The following MECOM variants were observed in gnomAD, a reference collection of about 807,000 sequenced individuals.
MECOM encodes MDS1 and EVI1 complex locus.
A neutral mutation model predicts 116.3 loss-of-function variants in MECOM; 13 were observed. That is an observed-to-expected ratio of 0.11 (90% CI 0.07 to 0.18). MECOM has a LOEUF of 0.18. Ranked by LOEUF, MECOM falls within the 10% of genes least tolerant of loss-of-function variation. The pLI is 1.00. For missense variants in MECOM, 1,299 were observed against 1,509.0 expected (o/e 0.86, Z 2.31); for synonymous variants, 528 against 535.2 (o/e 0.99, Z 0.19).
At chr3:169,216,144 G>A (rs1281539225) in intron 2 of MECOM, among the ~76,000 whole-genome samples, 3 of 152,134 alleles carry the variant, frequency 2.0e-5, no homozygotes, top group Admixed American at 6.5e-5. Context: ...GTGTTTCCAC[G>A]TCTTGTTTGT....
intron 1 of MECOM, among the ~76,000 whole-genome samples, chr3:169,661,954 C>T (rs2110143204): frequency 6.6e-6 from 1 of 152,354 alleles, no homozygotes; most frequent in South Asian, 2.1e-4. Flanking sequence ...GCAGCTCCAG[C>T]CCCGCCTATT....
intron 2 of MECOM, among the ~76,000 whole-genome samples, chr3:169,248,507 CCCTTT>C (rs1755864714): frequency 1.3e-5 from 2 of 152,150 alleles, no homozygotes; most frequent in Non-Finnish European, 2.9e-5. Context: ...TCTAGGAATA[CCCTTT>C]TGTTGTCTGT....
chr3:169,268,979 C>T (rs138005790), intron 2 of MECOM, among the ~76,000 whole-genome samples: 32 of 152,178 alleles, frequency 2.1e-4, no homozygotes, highest in Middle Eastern at 3.4e-3. Context: ...TCCAGCCTAT[C>T]CTGGTAAGAT....
intron 2 of MECOM, among the ~76,000 whole-genome samples, chr3:169,377,299 A>G (rs998781653): frequency 5.3e-5 from 8 of 152,142 alleles, no homozygotes; most frequent in African/African-American, 1.9e-4. Context: ...ACCAAAAGCA[A>G]TGGCAACAAA....
chr3:169,331,299 T>C (rs1009894741), intron 2 of MECOM, among the ~76,000 whole-genome samples: 1 of 152,136 alleles, frequency 6.6e-6, no homozygotes, highest in Admixed American at 6.6e-5. Context: ...TACCACTTAC[T>C]GATTGTCTGG....
At position 169,472,647 on chromosome 3, in the gene MECOM, G is replaced by A. The variant is rs1262485997; in HGVS notation, c.38-91123C>T. On this transcript the variant is annotated intron_variant, in intron 1 of 16. Transcript: ENST00000651503. ...GAAAAGAAAAGAAAAGGAAAGGAAA[G>A]GAAAAGAAAAGAAAGGAAAGGAAAG... Among the ~76,000 whole-genome samples, 128 of 50,054 alleles carry A rather than the reference G, an allele frequency of 2.6e-3. 4 individuals carry two copies. The highest frequency in any genetic ancestry group is 0.015 in the Middle Eastern group (1 of 66). 32.8% of individuals were successfully genotyped at this position (50,054 alleles called of 152,430 possible).
intron 4 of MECOM, among the ~76,000 whole-genome samples, chr3:169,129,181 G>A (rs1373988227): frequency 1.3e-5 from 2 of 151,932 alleles, no homozygotes; most frequent in East Asian, 3.9e-4. Flanking sequence ...TGGAAGGAGG[G>A]GGCACATTTC....
rs758987570 is a variant in MECOM at position 169,131,504 on chromosome 3, C to T, written c.538G>A (p.Ala180Thr). 4 of 1,613,622 alleles carry T rather than the reference C, an allele frequency of 2.5e-6. No individual in the cohort carries two copies. Among genetic ancestry groups the T allele is most frequent in the Non-Finnish European group, 3.4e-6 (4 of 1,179,890 alleles). ...QIFYRVVADI[A>T]PGEELLLFMK... ...AACAGCAGAAGCTCCTCTCCCGGCG[C>T]AATGTCTGCAACTACTCTATAGAAT... Residue 180 changes from alanine (A) to threonine (T), a missense_variant, in exon 4 of 17, where the codon GCG (alanine) becomes ACG (threonine). By Grantham distance (58) the Ala-to-Thr change is moderately conservative. Around this residue, in one of 6 missense-constraint regions of MECOM, gnomAD observed 374 missense variants for 433.4 expected, o/e 0.86. Coordinates refer to ENST00000651503, the MANE Select transcript of MECOM (RefSeq NM_004991.4).
chr3:169,515,581 A>G (rs1448900803), intron 1 of MECOM, among the ~76,000 whole-genome samples: 2 of 152,204 alleles, frequency 1.3e-5, no homozygotes, highest in South Asian at 4.1e-4. Flanking sequence ...CTGAGATTCC[A>G]GAAGAGAATG....
Position 169,116,262 on chromosome 3 carries a change from G to T in MECOM, c.1610C>A (p.Ala537Asp). The T allele has an allele frequency of 1.2e-6, 2 of 1,614,154 alleles. No homozygotes were observed. Among genetic ancestry groups the T allele is most frequent in the Non-Finnish European group, 1.7e-6 (2 of 1,180,014 alleles). ...PLMTHPQILP[A>D]TQDILKALSK... is the part of the protein sequence containing the mutation. ...TAGTGCCTTCAAAATATCCTGTGTA[G>T]CTGGCAGTATCTGAGGATGTGTCAT... Residue 537 changes from alanine (A) to aspartate (D), a missense_variant, in exon 8 of 17, where the codon GCT (alanine) becomes GAT (aspartate). Physicochemically the swap from Ala to Asp is moderately radical, Grantham distance 126. Around this residue, in one of 6 missense-constraint regions of MECOM, gnomAD observed 238 missense variants for 273.1 expected, o/e 0.87. Coordinates refer to ENST00000651503, the MANE Select transcript of MECOM (RefSeq NM_004991.4).
At chr3:169,396,637 A>G (rs765409089) in intron 1 of MECOM, among the ~76,000 whole-genome samples, 3 of 152,244 alleles carry the variant, frequency 2.0e-5, no homozygotes, top group Non-Finnish European at 4.4e-5. Flanking sequence ...TATTTCCATA[A>G]GACAACACTG....
chr3:169,651,034 C>T (rs1774840371), intron 1 of MECOM, among the ~76,000 whole-genome samples: 3 of 152,128 alleles, frequency 2.0e-5, no homozygotes, highest in Admixed American at 2.0e-4. Flanking sequence ...CTAGGACTTC[C>T]AGTACTGTGT....
chr3:169,097,685 C>T lies in MECOM; in HGVS notation c.2850-2440G>A, dbSNP rs137947573. ...AGAGATGAGTAAGATATGGATTCTCCGGGACATGGTGGCACCTGCCTATAC... is the reference window on the plus strand; with the variant it reads ...AGAGATGAGTAAGATATGGATTCTCTGGGACATGGTGGCACCTGCCTATAC... On this transcript the variant is annotated intron_variant, in intron 12 of 16. Transcript: ENST00000651503. 1.6e-3 allele frequency among the ~76,000 whole-genome samples: 239 copies of T among 151,756 alleles called. No homozygotes were observed. The Middle Eastern group carries it at 0.017, about 11-fold the overall frequency.
intron 1 of MECOM, among the ~76,000 whole-genome samples, chr3:169,576,838 CAG>C (rs59983835): frequency 7.2e-4 from 90 of 125,100 alleles, no homozygotes; most frequent in East Asian, 1.9e-3. Context: ...CACACACACA[CAG>C]AGAGAGAGAG....
chr3:169,212,428 T>C (rs1750844881), intron 2 of MECOM, among the ~76,000 whole-genome samples: 1 of 149,504 alleles, frequency 6.7e-6, no homozygotes. Flanking sequence ...TCAGCTGTAA[T>C]GTCAATGAAT....
chr3:169,391,391 C>A (rs1734169662), intron 1 of MECOM, among the ~76,000 whole-genome samples: 2 of 152,092 alleles, frequency 1.3e-5, no homozygotes, highest in African/African-American at 4.8e-5. Context: ...CCATTGCAAG[C>A]ACAGTATCTT....
chr3:169,118,049 G>A (rs1424714488), intron 7 of MECOM, among the ~76,000 whole-genome samples: 1 of 151,950 alleles, frequency 6.6e-6, no homozygotes, highest in Non-Finnish European at 1.5e-5. Flanking sequence ...TCATATGATG[G>A]CTGCCTTTAA....
At chr3:169,377,741 G>T (rs58034636) in intron 2 of MECOM, among the ~76,000 whole-genome samples, 4 of 152,168 alleles carry the variant, frequency 2.6e-5, no homozygotes, top group East Asian at 1.9e-4. Context: ...AAATTAGTTC[G>T]ACCATTGTGG....
intron 1 of MECOM, among the ~76,000 whole-genome samples, chr3:169,456,109 T>C (rs1746445968): frequency 6.6e-6 from 1 of 152,184 alleles, no homozygotes; most frequent in African/African-American, 2.4e-5. Context: ...TTATATGGTC[T>C]GGCAACATGG....
Sources: gnomAD v4.1 joint callset for allele counts (sites outside exome capture counted in the v4.1 genomes callset) on GRCh38, gnomAD v4.1.1 for gene constraint, gnomAD v4.1.1 regional missense constraint, MANE v1.5 for transcripts, NCBI Gene and HGNC (gene_info 2026-07-23, HGNC 2026-07-21) for gene names.